The following EGFL7 variants were observed in gnomAD, a reference collection of about 807,000 sequenced individuals.
EGFL7 encodes the protein EGF like domain multiple 7, also known as epidermal growth factor-like protein 7.
In EGFL7, 48 loss-of-function variants were observed where a neutral mutation model predicts 37.1. The observed-to-expected ratio is 1.29, with a 90% CI of 1.03 to 1.65. The LOEUF (loss-of-function observed/expected upper bound fraction) is 1.65, where lower values mean the gene tolerates loss of function less well. EGFL7 is among the 40% of genes most tolerant of loss of function. The probability of loss-of-function intolerance (pLI) is 0.00; values close to 1 mark genes in which losing one functional copy is unlikely to be tolerated. For missense variants in EGFL7, 384 were observed against 378.9 expected (o/e 1.01, Z -0.11); for synonymous variants, 180 against 156.8 (o/e 1.15, Z -1.10).
At chr9:136,670,483 G>A in intron 8 of EGFL7, 153 bp downstream of exon 8, 2 of 1,037,934 alleles carry the variant, frequency 1.9e-6, no homozygotes, top group Non-Finnish European at 2.9e-6. Context: ...GAGGATAGGT[G>A]GGTTCCCGAG....
chr9:136,663,881 G>T (rs1242883970), intron 2 of EGFL7, among the ~76,000 whole-genome samples: 1 of 152,226 alleles, frequency 6.6e-6, no homozygotes, highest in Non-Finnish European at 1.5e-5. Flanking sequence ...AGCCAGGATG[G>T]GGGCAGCGAG....
At chr9:136,668,015 C>A (rs1025025226) in intron 3 of EGFL7, among the ~76,000 whole-genome samples, 5 of 152,200 alleles carry the variant, frequency 3.3e-5, no homozygotes, top group African/African-American at 9.7e-5. Context: ...AGCGTCACCC[C>A]CCCTGTGCCC....
intron 3 of EGFL7, among the ~76,000 whole-genome samples, chr9:136,667,184 G>A (rs2097935548): frequency 6.6e-6 from 1 of 152,222 alleles, no homozygotes; most frequent in South Asian, 2.1e-4. Flanking sequence ...GAGCTGAGGA[G>A]GGGCCTCAGA....
In EGFL7 at chr9:136,672,429, C is replaced by T. The variant is rs547664596; in HGVS notation, c.*143C>T. 26 of 1,002,130 alleles carry T rather than the reference C, an allele frequency of 2.6e-5. No individual in the cohort carries two copies. In the African/African-American group the frequency reaches 3.6e-4, roughly 14 times the overall value. 62.1% of individuals were successfully genotyped at this position (1,002,130 alleles called of 1,614,324 possible). A position where few individuals can be genotyped will look rare whatever the true frequency, so the allele number is the denominator to read the frequency against. ...AGGGCCTTCCTCCTCTTCCTCCTCC[C>T]CTTCCTCGGGAGGCTCCCCAGACCC... On this transcript the variant is annotated 3_prime_UTR_variant, in exon 11 of 11. Transcript: ENST00000308874.
intron 6 of EGFL7, 70 bp downstream of exon 6, chr9:136,669,791 T>C: frequency 6.9e-7 from 1 of 1,457,986 alleles, no homozygotes; most frequent in Non-Finnish European, 9.3e-7. Context: ...GCAACGCTCC[T>C]GCTGCTTTTC....
In EGFL7 at chr9:136,671,971, G is replaced by GCACTGGAGCATGGGCTCCCGGACC; in HGVS notation, c.684_707dup (p.Leu229_Pro236dup). 1 of 1,539,986 alleles carries GCACTGGAGCATGGGCTCCCGGACC rather than the reference G, an allele frequency of 6.5e-7. No homozygotes were observed. The highest frequency in any genetic ancestry group is 8.7e-7 in the Non-Finnish European group (1 of 1,145,878). On this transcript the variant is annotated inframe_insertion, in exon 10 of 11. Transcript: ENST00000308874. The stretch of plus-strand genomic sequence containing the variant: ...CCCACTGCACAGCCTGGCCTCGCAG[G>GCACTGGAGCATGGGCTCCCGGACC]CACTGGAGCATGGGCTCCCGGACCC...
upstream of EGFL7, chr9:136,659,345 C>T (rs1193933930): frequency 1.3e-5 from 2 of 152,266 alleles, no homozygotes; most frequent in Non-Finnish European, 2.9e-5. Context: ...CGTCCGAGGC[C>T]GGGGGGCGCT....
At chr9:136,670,789 C>A in intron 8 of EGFL7, 161 bp from the exon 9 acceptor site, 1 of 755,572 alleles carries the variant, frequency 1.3e-6, no homozygotes, top group Non-Finnish European at 2.3e-6. Flanking sequence ...ACTTAGGCGG[C>A]ATAGCCCTGA....
chr9:136,672,131 C>A, intron 10 of EGFL7, 43 bp downstream of exon 10: 1 of 1,559,586 alleles, frequency 6.4e-7, no homozygotes, highest in Non-Finnish European at 8.7e-7. Context: ...CGGGTCTGGG[C>A]CCAGTGGGCC....
rs571940527 is a variant in EGFL7, at chr9:136,669,981, A to G, written c.381A>G (p.Ala127=). 2.5e-6 allele frequency: 4 copies of G among 1,602,006 alleles called. No homozygotes were observed. In the African/African-American group the frequency reaches 5.3e-5, roughly 21 times the overall value. The change falls in exon 7 of 11, where the codon GCA becomes GCG. Residue 127 remains alanine (A), a synonymous_variant. Transcript: ENST00000308874. ...AGCCTGGCCGCTGCCGCTGCCCTGC[A>G]GGATGGCGGGGTGACACTTGCCAGT... The part of the protein sequence containing the change: ...CVQPGRCRCP[A]GWRGDTCQSD...
In EGFL7 at chr9:136,671,007, T is replaced by C. The variant is rs1220788372; in HGVS notation, c.629T>C (p.Leu210Pro). The C allele has an allele frequency of 5.9e-6, 5 of 853,654 alleles. No individual in the cohort carries two copies. Among genetic ancestry groups the C allele is most frequent in the Non-Finnish European group, 7.8e-6 (5 of 638,880 alleles). The allele number at this position is 853,654 out of a possible 1,614,324, so 52.9% of individuals were successfully genotyped here. Reference sequence around the variant, plus strand: ...AGGCTGCAGTCCAGGGTGGACCTGCTGGAGGAGGTGAGGCATTGGTGGGGG... The same window carrying C: ...AGGCTGCAGTCCAGGGTGGACCTGCCGGAGGAGGTGAGGCATTGGTGGGGG... Reference protein sequence around the residue: ...VQRLQSRVDLLEEKLQLVLAP... With the variant: ...VQRLQSRVDLPEEKLQLVLAP... The change falls in exon 9 of 11, where the codon CTG (leucine) becomes CCG (proline). Residue 210 changes from leucine (L) to proline (P), a missense_variant. Physicochemically the swap from Leu to Pro is moderately conservative, Grantham distance 98. Transcript: ENST00000308874.
chr9:136,670,709 A>T (rs1564282812), intron 8 of EGFL7: 2 of 768,168 alleles, frequency 2.6e-6, no homozygotes. Flanking sequence ...CGCCGCTGAG[A>T]CCTCAGCCTT....
At chr9:136,664,008 G>A (rs1295221901) in intron 2 of EGFL7, among the ~76,000 whole-genome samples, 2 of 152,240 alleles carry the variant, frequency 1.3e-5, no homozygotes, top group African/African-American at 4.8e-5. Context: ...CCAGAGATGA[G>A]GCCAGGGGCA....
intron 10 of EGFL7, 61 bp from the exon 11 acceptor site, chr9:136,672,203 T>C: frequency 6.2e-7 from 1 of 1,612,296 alleles, no homozygotes; most frequent in Non-Finnish European, 8.5e-7. Context: ...CAGTCAGATC[T>C]AGCTGGGCGG....
In EGFL7 at chr9:136,669,973, T is replaced by G. The variant is rs369675442; in HGVS notation, c.373T>G (p.Cys125Gly). 2.5e-6 allele frequency: 4 copies of G among 1,603,632 alleles called. No homozygotes were observed. In the South Asian group the frequency reaches 4.4e-5, roughly 18 times the overall value. ...CTGTGTCCAGCCTGGCCGCTGCCGC[T>G]GCCCTGCAGGATGGCGGGGTGACAC... Reference protein sequence around the residue: ...GSCVQPGRCRCPAGWRGDTCQ... With the variant: ...GSCVQPGRCRGPAGWRGDTCQ... Residue 125 changes from cysteine (C) to glycine (G), a missense_variant, in exon 7 of 11, where the codon TGC (cysteine) becomes GGC (glycine). Coordinates refer to ENST00000308874, the MANE Select transcript of EGFL7 (RefSeq NM_016215.5).
At chr9:136,670,513 G>A (rs547184907) in intron 8 of EGFL7, 183 bp downstream of exon 8, 101 of 855,460 alleles carry the variant, frequency 1.2e-4, no homozygotes, top group African/African-American at 1.1e-3. Flanking sequence ...CAGGTTGCCC[G>A]GAGCCTCATA....
chr9:136,671,837 T>C (rs2119161122), intron 9 of EGFL7, 89 bp from the exon 10 acceptor site: 1 of 1,407,308 alleles, frequency 7.1e-7, no homozygotes, highest in Non-Finnish European at 9.3e-7. Context: ...TGGAGGCTTG[T>C]GGAGCCCTTC....
In EGFL7 at chr9:136,668,357, G is replaced by T; in HGVS notation, c.75G>T (p.Arg25=). Residue 25 remains arginine (R), a synonymous_variant, in exon 4 of 11, where the codon CGG becomes CGT. Transcript: ENST00000308874. ...LAVGGTEHAY[R]PGRRVCAVRA... ...TGGGCGGCACAGAGCACGCCTACCG[G>T]CCCGGGTGAGCCAAGCCCTAGCCTG... 1.3e-6 allele frequency: 2 copies of T among 1,596,466 alleles called. No homozygotes were observed.
chr9:136,663,167 C>G (rs1845249936), intron 1 of EGFL7, 59 bp downstream of exon 1: 1 of 152,640 alleles, frequency 6.6e-6, no homozygotes, highest in African/African-American at 2.4e-5. Context: ...CCCCATTCCC[C>G]TCACTCCCGC....
Sources: allele counts gnomAD v4.1 joint callset (sites outside exome capture counted in the v4.1 genomes callset), GRCh38; gene constraint gnomAD v4.1.1; transcripts MANE v1.5; gene names NCBI Gene and HGNC (gene_info 2026-07-23, HGNC 2026-07-21).